RNF2: variants seen among roughly 807,000 people sequenced by gnomAD.
RNF2 encodes the protein ring finger protein 2, also known as E3 ubiquitin-protein ligase RING2.
Under a neutral mutation model 37.2 loss-of-function variants are expected in RNF2, and 6 were observed. That is an observed-to-expected ratio of 0.16 (90% CI 0.09 to 0.32). RNF2 has a LOEUF of 0.32. Among genes scored for constraint, RNF2 ranks in the 10% least tolerant of loss-of-function variants. The probability of loss-of-function intolerance (pLI) is 1.00; values close to 1 mark genes in which losing one functional copy is unlikely to be tolerated. For synonymous variants in RNF2, 133 were observed against 132.7 expected, an observed-to-expected ratio of 1.00 and a Z score of -0.02; for missense variants, 251 against 404.0, an observed-to-expected ratio of 0.62 and a Z score of 3.25.
rs3036553 is a variant in RNF2 at position 185,082,345 on chromosome 1, CTTTTTT to C, written c.-2-5190_-2-5185del. On this transcript the variant is annotated intron_variant, in intron 1 of 6. Coordinates refer to ENST00000367510, the MANE Select transcript of RNF2 (RefSeq NM_007212.4). ...CAAGGTTCTTGTCTCCTCTGCAGAA[CTTTTTT>C]TTTTTTTTTTTTTTTTGAAGACAGA... Among the ~76,000 whole-genome samples, 313 of 71,978 alleles carry C rather than the reference CTTTTTT, an allele frequency of 4.3e-3. 8 individuals carry two copies. Among genetic ancestry groups the C allele is most frequent in the Middle Eastern group, 0.013 (2 of 160 alleles). The allele number at this position is 71,978 out of a possible 152,430, so 47.2% of individuals were successfully genotyped here. A position where few individuals can be genotyped will look rare whatever the true frequency, so the allele number is the denominator to read the frequency against.
At chr1:185,070,277 T>C (rs1650928125) in intron 1 of RNF2, among the ~76,000 whole-genome samples, 1 of 152,064 alleles carries the variant, frequency 6.6e-6, no homozygotes, top group Non-Finnish European at 1.5e-5. Context: ...CCTTAAGAGG[T>C]TGAGAAATTT....
chr1:185,076,308 T>TTTTTG (rs1431777673), intron 1 of RNF2, among the ~76,000 whole-genome samples: 23 of 113,288 alleles, frequency 2.0e-4, no homozygotes, highest in Non-Finnish European at 3.3e-4. Context: ...TTTTTTTTTT[T>TTTTTG]GAGACAGAGT....
intron 4 of RNF2, among the ~76,000 whole-genome samples, chr1:185,094,224 C>T (rs956108123): frequency 3.3e-5 from 5 of 152,050 alleles, no homozygotes; most frequent in Non-Finnish European, 7.4e-5. Context: ...TCACTGCAAC[C>T]TCTGCCTCCT....
At position 185,083,658 on chromosome 1, in the gene RNF2, G is replaced by A. The variant is rs181237238; in HGVS notation, c.-2-3894G>A. ...ATTAGGTGTATTTTTGTTTTTTGGA[G>A]ACTCGAGCTCAGTCTGTTGCCCAGG... is the stretch of plus-strand genomic sequence containing the variant. On this transcript the variant is annotated intron_variant, in intron 1 of 6. Coordinates refer to ENST00000367510, the MANE Select transcript of RNF2 (RefSeq NM_007212.4). Among the ~76,000 whole-genome samples the A allele has an allele frequency of 4.6e-5, 7 of 152,094 alleles. No homozygotes were observed. The East Asian group carries it at 1.4e-3, about 29-fold the overall frequency.
rs12070618 is a variant in RNF2, at chr1:185,060,620, G to A, written c.-3+14971G>A. ...TATGTGTTCAGGACTGAGAGCCTGG[G>A]TTATGCCAAAGTCTGAGGTTTAGTT... is the stretch of plus-strand genomic sequence containing the variant. On this transcript the variant is annotated intron_variant, in intron 1 of 6. Transcript: ENST00000367510. Among the ~76,000 whole-genome samples the A allele has an allele frequency of 6.0e-3, 908 of 152,304 alleles. 7 individuals are homozygous for A. The highest frequency in any genetic ancestry group is 0.02 in the African/African-American group (838 of 41,568).
At chr1:185,058,665 T>C (rs1650510806) in intron 1 of RNF2, among the ~76,000 whole-genome samples, 1 of 152,260 alleles carries the variant, frequency 6.6e-6, no homozygotes, top group Admixed American at 6.5e-5. Flanking sequence ...TTTTTCTTTA[T>C]TGTGTTATGG....
rs74697315 is a variant in RNF2 at position 185,058,602 on chromosome 1, T to G, written c.-3+12953T>G. ...CCTTCCTCTTTATTGTTCGGTAATG[T>G]GGAATGAGTTTTGCTTTTGAGAGAA... On this transcript the variant is annotated intron_variant, in intron 1 of 6. Coordinates refer to ENST00000367510, the MANE Select transcript of RNF2 (RefSeq NM_007212.4). Among the ~76,000 whole-genome samples the G allele has an allele frequency of 5.5e-3, 837 of 152,344 alleles. 32 individuals are homozygous for G. In the East Asian group the frequency reaches 0.085, roughly 16 times the overall value.
At position 185,098,902 on chromosome 1, in the gene RNF2, C is replaced by A. The variant is rs184393912; in HGVS notation, c.737+558C>A. ...GAGTAGCTGGGACTACAGGCTCATG[C>A]CACCAAGCCCAGCTAATTTTTGTAT... On this transcript the variant is annotated intron_variant, in intron 5 of 6. Transcript: ENST00000367510. Among the ~76,000 whole-genome samples, 25 of 148,256 alleles carry A rather than the reference C, an allele frequency of 1.7e-4. No homozygotes were observed. In the East Asian group the frequency reaches 4.7e-3, roughly 28 times the overall value.
chr1:185,088,543 C>T (rs1475372638), intron 2 of RNF2, among the ~76,000 whole-genome samples: 2 of 141,890 alleles, frequency 1.4e-5, no homozygotes, highest in Non-Finnish European at 3.1e-5. Context: ...GCGACAAGAA[C>T]GAAACTCCGT....
chr1:185,099,947 C>G lies in RNF2; in HGVS notation c.894C>G (p.Ala298=), dbSNP rs746885128. 1.2e-6 allele frequency: 2 copies of G among 1,609,524 alleles called. No individual in the cohort carries two copies. The highest frequency in any genetic ancestry group is 2.2e-5 in the South Asian group (2 of 90,822). The change falls in exon 6 of 7, where the codon GCC becomes GCG. Residue 298 remains alanine (A), a synonymous_variant. Coordinates refer to ENST00000367510, the MANE Select transcript of RNF2 (RefSeq NM_007212.4). The stretch of plus-strand genomic sequence containing the variant: ...AGTATACCATTTATATAGCAACAGC[C>G]AGTGGCCAGTTCACTGTGAGTATTT... ...EKQYTIYIAT[A]SGQFTVLNGS...
chr1:185,093,012 C>G, intron 3 of RNF2, 49 bp from the exon 4 acceptor site: 1 of 1,547,818 alleles, frequency 6.5e-7, no homozygotes, highest in East Asian at 2.3e-5. Context: ...TGTCTTTAGC[C>G]CAAAGATACT....
At chr1:185,092,587 TAA>T (rs1310588502) in intron 3 of RNF2, among the ~76,000 whole-genome samples, 1 of 152,152 alleles carries the variant, frequency 6.6e-6, no homozygotes, top group Non-Finnish European at 1.5e-5. Flanking sequence ...AGACACTTCA[TAA>T]GATGAGTATT....
chr1:185,063,825 C>A (rs1000551702), intron 1 of RNF2, among the ~76,000 whole-genome samples: 1 of 152,204 alleles, frequency 6.6e-6, no homozygotes, highest in Non-Finnish European at 1.5e-5. Flanking sequence ...TTCCCAGTGT[C>A]TTAGATTGCT....
intron 1 of RNF2, among the ~76,000 whole-genome samples, chr1:185,068,008 C>CT (rs34216534): frequency 2.8e-5 from 4 of 142,438 alleles, no homozygotes; most frequent in South Asian, 2.2e-4. Context: ...AGCGCCCGGC[C>CT]TTTTTTTTTT....
intron 1 of RNF2, among the ~76,000 whole-genome samples, chr1:185,067,602 G>T (rs1373080034): frequency 6.6e-6 from 1 of 151,784 alleles, no homozygotes; most frequent in Non-Finnish European, 1.5e-5. Context: ...GAGAGAGAAG[G>T]CATCTTAGTT....
intron 5 of RNF2, 30 bp downstream of exon 5, chr1:185,098,374 T>C (rs757313855): frequency 2.5e-6 from 4 of 1,601,356 alleles, no homozygotes; most frequent in Admixed American, 1.7e-5. Context: ...TCAGATTATC[T>C]AAATTCAGAA....
At chr1:185,097,381 C>G (rs1651942628) in intron 4 of RNF2, among the ~76,000 whole-genome samples, 1 of 152,152 alleles carries the variant, frequency 6.6e-6, no homozygotes, top group Non-Finnish European at 1.5e-5. Flanking sequence ...CTTTTGTTTC[C>G]TTAAGAATTT....
intron 2 of RNF2, 54 bp from the exon 3 acceptor site, chr1:185,091,525 T>C (rs1185581871): frequency 5.8e-6 from 9 of 1,550,468 alleles, no homozygotes; most frequent in African/African-American, 1.4e-5. Flanking sequence ...ATGTTTGAGC[T>C]TGTCCATAAT....
chr1:185,069,023 C>T (rs1650886183), intron 1 of RNF2, among the ~76,000 whole-genome samples: 1 of 152,176 alleles, frequency 6.6e-6, no homozygotes, highest in South Asian at 2.1e-4. Context: ...TGGAAGCTCC[C>T]TTATTGCTGC....
Sources: gnomAD v4.1 joint callset for allele counts (sites outside exome capture counted in the v4.1 genomes callset) on GRCh38, gnomAD v4.1.1 for gene constraint, MANE v1.5 for transcripts, NCBI Gene and HGNC (gene_info 2026-07-23, HGNC 2026-07-21) for gene names.